CRYL1: variants seen among roughly 807,000 people sequenced by gnomAD.
CRYL1 encodes the protein crystallin lambda 1.
In CRYL1, 29 loss-of-function variants were observed where a neutral mutation model predicts 36.6. The observed-to-expected ratio is 0.79, with a 90% CI of 0.59 to 1.08. The LOEUF (loss-of-function observed/expected upper bound fraction) is 1.08, where lower values mean the gene tolerates loss of function less well. Among genes scored for constraint, CRYL1 ranks in the 50% least tolerant of loss-of-function variants. The pLI, the probability that CRYL1 is intolerant of heterozygous loss-of-function variation, is 0.00. For missense variants in CRYL1, 411 were observed against 407.9 expected (o/e 1.01, Z -0.06); for synonymous variants, 152 against 151.5 (o/e 1.00, Z -0.02).
chr13:20,442,935 G>A (rs981778215), intron 3 of CRYL1, among the ~76,000 whole-genome samples: 1 of 152,196 alleles, frequency 6.6e-6, no homozygotes, highest in African/African-American at 2.4e-5. Context: ...CAACTGTTCT[G>A]TCAGAAGGAT....
intron 5 of CRYL1, among the ~76,000 whole-genome samples, chr13:20,427,748 A>AT (rs2137383674): frequency 6.6e-6 from 1 of 151,948 alleles, no homozygotes; most frequent in East Asian, 1.9e-4. Context: ...TCAAAAAAAA[A>AT]AAAATCAATA....
chr13:20,511,707 G>C (rs11838882), intron 2 of CRYL1, among the ~76,000 whole-genome samples: 334 of 152,254 alleles, frequency 2.2e-3, no homozygotes, highest in Non-Finnish European at 3.6e-3. Context: ...GTTCCGTGAC[G>C]GCACCGCAGG....
At chr13:20,463,633 C>T (rs2032876046) in intron 3 of CRYL1, among the ~76,000 whole-genome samples, 1 of 152,136 alleles carries the variant, frequency 6.6e-6, no homozygotes, top group Admixed American at 6.5e-5. Flanking sequence ...CCTCTTCCTG[C>T]CCTTTTTTAA....
chr13:20,418,745 C>T (rs2031731832), intron 5 of CRYL1: 1 of 152,144 alleles, frequency 6.6e-6, no homozygotes, highest in South Asian at 2.1e-4. Flanking sequence ...TTTTCTTGTG[C>T]AAACACTACA....
Position 20,425,197 on chromosome 13 carries a change from T to C in CRYL1, c.633+6905A>G, listed in dbSNP as rs1029781658. ...AAGCTGCCAGCAGGACCCCGTCTCC[T>C]GTTGGCGGTGGCTCCGCACAGGCTT... On this transcript the variant is annotated intron_variant, in intron 5 of 7. Coordinates refer to ENST00000298248, the MANE Select transcript of CRYL1 (RefSeq NM_015974.3). The surrounding 1 kb of genome is among the most constrained non-coding windows in gnomAD (Gnocchi z 4.4). Among the ~76,000 whole-genome samples, 4 of 152,216 alleles carry C rather than the reference T, an allele frequency of 2.6e-5. No individual in the cohort carries two copies. Among genetic ancestry groups the C allele is most frequent in the Admixed American group, 2.6e-4 (4 of 15,276 alleles).
chr13:20,517,385 A>G (rs999219859), intron 1 of CRYL1, among the ~76,000 whole-genome samples: 11 of 151,894 alleles, frequency 7.2e-5, no homozygotes, highest in Admixed American at 7.2e-4. Flanking sequence ...ATCTGAGGTC[A>G]GGAATTCGAG....
intron 1 of CRYL1, among the ~76,000 whole-genome samples, chr13:20,524,331 CTATT>C (rs2034151030): frequency 6.6e-6 from 1 of 151,990 alleles, no homozygotes; most frequent in Non-Finnish European, 1.5e-5. Flanking sequence ...ACTCTGGTAA[CTATT>C]AATAAAATGC....
At chr13:20,430,221 A>C in intron 5 of CRYL1, 1 of 984,538 alleles carries the variant, frequency 1.0e-6, no homozygotes, top group Non-Finnish European at 1.2e-6. Context: ...ACTTTCACCA[A>C]GGTAATTCTT....
At chr13:20,421,785 C>T (rs1020516474) in intron 5 of CRYL1, among the ~76,000 whole-genome samples, 7 of 149,596 alleles carry the variant, frequency 4.7e-5, no homozygotes, top group African/African-American at 1.5e-4. Flanking sequence ...ACAGCATTTT[C>T]ATTTATTTAT....
At chr13:20,421,696 A>G (rs1402289613) in intron 5 of CRYL1, among the ~76,000 whole-genome samples, 2 of 152,054 alleles carry the variant, frequency 1.3e-5, no homozygotes, top group African/African-American at 2.4e-5. Flanking sequence ...CCAACTTCAA[A>G]CTGAGGGAGC....
chr13:20,458,352 A>G (rs1401345401), intron 3 of CRYL1, among the ~76,000 whole-genome samples: 1 of 152,204 alleles, frequency 6.6e-6, no homozygotes, highest in Non-Finnish European at 1.5e-5. Flanking sequence ...GCAATAACCA[A>G]AAGGGCAGGT....
At chr13:20,471,300 C>T (rs573602507) in intron 3 of CRYL1, among the ~76,000 whole-genome samples, 3 of 152,078 alleles carry the variant, frequency 2.0e-5, no homozygotes, top group South Asian at 2.1e-4. Context: ...AGGCCAGGCG[C>T]GGTGGCTCAC....
intron 3 of CRYL1, among the ~76,000 whole-genome samples, chr13:20,482,365 C>T (rs1469892653): frequency 6.6e-6 from 1 of 152,200 alleles, no homozygotes; most frequent in Non-Finnish European, 1.5e-5. Flanking sequence ...CTACTGTGAT[C>T]TCCGGTTTTA....
chr13:20,413,236 C>T, intron 6 of CRYL1, 46 bp downstream of exon 6: 1 of 1,339,696 alleles, frequency 7.5e-7, no homozygotes, highest in Admixed American at 1.8e-5. Context: ...AAACCCATGA[C>T]AACACTAAAT....
At chr13:20,453,241 A>C (rs949397141) in intron 3 of CRYL1, among the ~76,000 whole-genome samples, 1 of 152,208 alleles carries the variant, frequency 6.6e-6, no homozygotes, top group African/African-American at 2.4e-5. Flanking sequence ...GAAATCAAAC[A>C]AAGTATGTTC....
At chr13:20,456,371 G>A (rs112595628) in intron 3 of CRYL1, among the ~76,000 whole-genome samples, 1,673 of 151,552 alleles carry the variant, frequency 0.011, 25 homozygotes, top group African/African-American at 0.038. Context: ...TACTCAAGAG[G>A]CTGAGGCACC....
At chr13:20,468,427 C>A (rs1202401319) in intron 3 of CRYL1, among the ~76,000 whole-genome samples, 3 of 152,098 alleles carry the variant, frequency 2.0e-5, no homozygotes, top group Non-Finnish European at 4.4e-5. Flanking sequence ...ACACTCAGCT[C>A]AAAACTTACT....
chr13:20,520,104 G>T (rs527356490), intron 1 of CRYL1, among the ~76,000 whole-genome samples: 1 of 152,164 alleles, frequency 6.6e-6, no homozygotes, highest in Admixed American at 6.5e-5. Context: ...GGGGGTGGGG[G>T]AAGGTACTTT....
intron 3 of CRYL1, among the ~76,000 whole-genome samples, chr13:20,454,173 G>C (rs1345158447): frequency 6.6e-6 from 1 of 151,914 alleles, no homozygotes; most frequent in Non-Finnish European, 1.5e-5. Flanking sequence ...CAAAATATTA[G>C]ACAAAGACAT....
Sources: gnomAD v4.1 joint callset for allele counts (sites outside exome capture counted in the v4.1 genomes callset) on GRCh38, gnomAD v4.1.1 for gene constraint, Gnocchi (gnomAD v3.1) non-coding constraint, MANE v1.5 for transcripts, NCBI Gene and HGNC (gene_info 2026-07-23, HGNC 2026-07-21) for gene names.